ATP10A: variants seen among roughly 807,000 people sequenced by gnomAD.
The protein encoded by ATP10A is phospholipid-transporting ATPase VA.
In ATP10A, 111 loss-of-function variants were observed where a neutral mutation model predicts 147.8. The ratio of observed to expected loss-of-function variants is 0.75; its 90% CI spans 0.64 to 0.88. The LOEUF (loss-of-function observed/expected upper bound fraction) is 0.88, where lower values mean the gene tolerates loss of function less well. Ranked by LOEUF, ATP10A falls within the 40% of genes least tolerant of loss-of-function variation. The pLI is 0.00. For synonymous variants in ATP10A, 875 were observed against 841.6 expected (o/e 1.04, Z -0.69); for missense variants, 1,927 against 1,959.0 (o/e 0.98, Z 0.31).
At position 25,761,392 on chromosome 15, in the gene ATP10A, G is replaced by C. The variant is rs993794399; in HGVS notation, c.654+19627C>G. On this transcript the variant is annotated intron_variant, in intron 2 of 20. Transcript: ENST00000555815. ...ACACTTACCACAGAGTCCCCACAGG[G>C]GCAGCACCTAGTGGAGCTGTGAGAA... is the stretch of plus-strand genomic sequence containing the variant. 2.6e-5 allele frequency among the ~76,000 whole-genome samples: 4 copies of C among 152,174 alleles called. No homozygotes were observed. The East Asian group carries it at 7.7e-4, about 29-fold the overall frequency.
chr15:25,856,855 A>G (rs1199237953), intron 1 of ATP10A, among the ~76,000 whole-genome samples: 1 of 152,210 alleles, frequency 6.6e-6, no homozygotes, highest in African/African-American at 2.4e-5. Flanking sequence ...CAGGAATTAC[A>G]ATAGAAAAAA....
At chr15:25,712,229 T>G (rs939930574) in intron 10 of ATP10A, among the ~76,000 whole-genome samples, 4 of 152,248 alleles carry the variant, frequency 2.6e-5, no homozygotes, top group African/African-American at 4.8e-5. Flanking sequence ...AAATAATGGC[T>G]GATGGTATTA....
At chr15:25,738,379 T>C (rs1443538268) in intron 2 of ATP10A, 2 of 152,358 alleles carry the variant, frequency 1.3e-5, no homozygotes, top group Non-Finnish European at 1.5e-5. Context: ...AGGAAGCAGT[T>C]CTACAGATGG....
chr15:25,701,892 C>T (rs371588419), intron 13 of ATP10A, 24 bp downstream of exon 13: 132 of 1,565,896 alleles, frequency 8.4e-5, no homozygotes, highest in Middle Eastern at 1.8e-4. Context: ...GGGAAGGAAG[C>T]GGAGCCACTT....
At chr15:25,851,525 A>T (rs1220578883) in intron 1 of ATP10A, among the ~76,000 whole-genome samples, 1 of 152,196 alleles carries the variant, frequency 6.6e-6, no homozygotes, top group African/African-American at 2.4e-5. Context: ...TATACGCCAC[A>T]TTGCCATTTA....
At chr15:25,831,418 G>A (rs765878088) in intron 1 of ATP10A, among the ~76,000 whole-genome samples, 17 of 152,220 alleles carry the variant, frequency 1.1e-4, no homozygotes, top group Non-Finnish European at 2.5e-4. Flanking sequence ...CCTAATAGGG[G>A]ATGGAACTGC....
At chr15:25,841,929 T>C (rs888911314) in intron 1 of ATP10A, among the ~76,000 whole-genome samples, 2 of 152,250 alleles carry the variant, frequency 1.3e-5, no homozygotes, top group Non-Finnish European at 2.9e-5. Flanking sequence ...AATGAGCTCA[T>C]TTTTCAGTTG....
chr15:25,768,529 GCTCT>G (rs1021853780), intron 2 of ATP10A, among the ~76,000 whole-genome samples: 2 of 138,324 alleles, frequency 1.4e-5, no homozygotes, highest in East Asian at 2.2e-4. Context: ...TCTCAGCAGA[GCTCT>G]CTCTCTCTTT....
intron 19 of ATP10A, 21 bp downstream of exon 19, chr15:25,680,789 G>A: frequency 6.3e-7 from 1 of 1,592,948 alleles, no homozygotes; most frequent in Non-Finnish European, 8.6e-7. Flanking sequence ...TCTGAGACGT[G>A]GCCATGCAGG....
chr15:25,826,177 C>T (rs953691740), intron 1 of ATP10A, among the ~76,000 whole-genome samples: 5 of 152,090 alleles, frequency 3.3e-5, no homozygotes, highest in African/African-American at 4.8e-5. Flanking sequence ...CTCAGAGTCC[C>T]GTAGGACATC....
At chr15:25,799,993 G>A (rs1324051101) in intron 1 of ATP10A, among the ~76,000 whole-genome samples, 1 of 152,112 alleles carries the variant, frequency 6.6e-6, no homozygotes, top group African/African-American at 2.4e-5. Flanking sequence ...CTCCTTCTCA[G>A]TCTCAGGAAT....
At chr15:25,858,396 G>A (rs915120923) in intron 1 of ATP10A, among the ~76,000 whole-genome samples, 2 of 152,168 alleles carry the variant, frequency 1.3e-5, no homozygotes, top group African/African-American at 4.8e-5. Context: ...TGCCACAGAG[G>A]AAGAGATGAG....
chr15:25,675,154 A>G (rs964377221), downstream of ATP10A, among the ~76,000 whole-genome samples: 13 of 152,148 alleles, frequency 8.5e-5, 1 homozygote, highest in Non-Finnish European at 1.9e-4. Flanking sequence ...GTTGGGCCTG[A>G]GCCTGGGCCT....
chr15:25,825,021 A>AAAAAC (rs559118051), intron 1 of ATP10A, among the ~76,000 whole-genome samples: 60 of 152,298 alleles, frequency 3.9e-4, no homozygotes, highest in African/African-American at 1.2e-3. Flanking sequence ...TCACTCTGGG[A>AAAAAC]AAAACAAAAC....
intron 2 of ATP10A, among the ~76,000 whole-genome samples, chr15:25,741,885 G>A (rs1465467833): frequency 4.6e-5 from 7 of 151,630 alleles, no homozygotes; most frequent in Admixed American, 2.6e-4. Flanking sequence ...AAGTGAAAGC[G>A]TCTGGTGGCA....
At chr15:25,757,893 A>C (rs1888518886) in intron 2 of ATP10A, among the ~76,000 whole-genome samples, 2 of 56,696 alleles carry the variant, frequency 3.5e-5, no homozygotes, top group Admixed American at 2.4e-4. Flanking sequence ...ACCCTAACTC[A>C]TTCCTATCAC....
At chr15:25,766,593 A>T (rs1021551518) in intron 2 of ATP10A, among the ~76,000 whole-genome samples, 1 of 151,484 alleles carries the variant, frequency 6.6e-6, no homozygotes, top group Admixed American at 6.6e-5. Context: ...ACCAGCCTCT[A>T]TTGTAATTGG....
intron 1 of ATP10A, among the ~76,000 whole-genome samples, chr15:25,847,949 G>A (rs779549437): frequency 1.3e-4 from 20 of 151,322 alleles, no homozygotes; most frequent in Non-Finnish European, 2.2e-4. Context: ...ATTTTTTAAC[G>A]GAAATCATCT....
At chr15:25,772,900 G>T (rs916393088) in intron 2 of ATP10A, among the ~76,000 whole-genome samples, 3 of 152,156 alleles carry the variant, frequency 2.0e-5, no homozygotes, top group African/African-American at 7.2e-5. Context: ...CTGACAAATT[G>T]AAGAAGTTTG....
Sources: gnomAD v4.1 joint callset for allele counts (sites outside exome capture counted in the v4.1 genomes callset) on GRCh38, gnomAD v4.1.1 for gene constraint, MANE v1.5 for transcripts, NCBI Gene and HGNC (gene_info 2026-07-23, HGNC 2026-07-21) for gene names.